The following GPRC5D variants were observed in gnomAD, a reference collection of about 807,000 sequenced individuals.
GPRC5D encodes the protein G protein-coupled receptor class C group 5 member D.
Under a neutral mutation model 29.3 loss-of-function variants are expected in GPRC5D, and 20 were observed. The observed-to-expected ratio is 0.68, with a 90% CI of 0.48 to 0.99. GPRC5D has a LOEUF of 0.99. GPRC5D is among the 50% of genes least tolerant of loss of function. The pLI, the probability that GPRC5D is intolerant of heterozygous loss-of-function variation, is 0.00. For synonymous variants in GPRC5D, 178 were observed against 171.3 expected, an observed-to-expected ratio of 1.04 and a Z score of -0.30; for missense variants, 384 against 423.6, an observed-to-expected ratio of 0.91 and a Z score of 0.82.
chr12:12,948,574 T>A (rs189457669), intron 1 of GPRC5D: 7 of 154,404 alleles, frequency 4.5e-5, no homozygotes, highest in Admixed American at 1.3e-4. Context: ...ATGTGAGAAA[T>A]CAGATGCCTA....
chr12:12,945,913 T>C (rs1863303412), intron 1 of GPRC5D, among the ~76,000 whole-genome samples: 1 of 152,228 alleles, frequency 6.6e-6, no homozygotes, highest in Non-Finnish European at 1.5e-5. Flanking sequence ...AGGGACACAC[T>C]TATAACACAG....
chr12:12,943,034 C>T (rs1863193412), intron 1 of GPRC5D, among the ~76,000 whole-genome samples: 1 of 152,152 alleles, frequency 6.6e-6, no homozygotes, highest in Non-Finnish European at 1.5e-5. Context: ...CCCCTGGCCT[C>T]AAACCTCCCA....
downstream of GPRC5D, chr12:12,940,716 C>T: frequency 1.0e-6 from 1 of 1,000,160 alleles, no homozygotes; most frequent in Non-Finnish European, 1.6e-6. Context: ...CGTGGGCTAT[C>T]AGGGCTATGC....
At chr12:12,946,675 T>C (rs761747887) in intron 1 of GPRC5D, among the ~76,000 whole-genome samples, 1 of 151,990 alleles carries the variant, frequency 6.6e-6, no homozygotes, top group African/African-American at 2.4e-5. Flanking sequence ...GGCTGGTCTC[T>C]AACTCCTGTC....
chr12:12,944,760 TCTTC>T (rs1196947040), intron 1 of GPRC5D, among the ~76,000 whole-genome samples: 1 of 27,336 alleles, frequency 3.7e-5, no homozygotes, highest in African/African-American at 7.1e-5. Flanking sequence ...TTCCTTCCTT[TCTTC>T]CTTCCTTTCT....
chr12:12,942,035 A>G (rs1033479816), intron 2 of GPRC5D, among the ~76,000 whole-genome samples: 1 of 152,164 alleles, frequency 6.6e-6, no homozygotes, highest in Admixed American at 6.5e-5. Flanking sequence ...AGAATGCTAT[A>G]TTGTTGATGG....
upstream of GPRC5D, among the ~76,000 whole-genome samples, chr12:12,950,799 T>C (rs1160953955): frequency 2.2e-5 from 3 of 134,142 alleles, no homozygotes; most frequent in Non-Finnish European, 3.2e-5. Context: ...AGAGTGAGAC[T>C]CTGTCTCAAA....
intron 1 of GPRC5D, chr12:12,947,296 G>A (rs1863372951): frequency 6.6e-6 from 1 of 152,150 alleles, no homozygotes; most frequent in Non-Finnish European, 1.5e-5. Flanking sequence ...GACGTTTCAA[G>A]TTATTGTTAT....
chr12:12,941,613 G>T (rs182577445), intron 2 of GPRC5D, among the ~76,000 whole-genome samples: 2 of 152,144 alleles, frequency 1.3e-5, no homozygotes, highest in African/African-American at 4.8e-5. Context: ...TTTGATCCCC[G>T]TAATGTAAGA....
chr12:12,949,848 G>A, exon 1 of GPRC5D: 1 of 1,614,122 alleles, frequency 6.2e-7, no homozygotes. Flanking sequence ...GGGCCATCAG[G>A]AAGAGGACAT....
In GPRC5D at chr12:12,942,248, C is replaced by T. The variant is rs373712100; in HGVS notation, c.963+13G>A. 30 of 1,555,780 alleles carry T rather than the reference C, an allele frequency of 1.9e-5. No individual in the cohort carries two copies. The highest frequency in any genetic ancestry group is 4.1e-5 in the African/African-American group (3 of 73,772). ...TAAGTCCCTCCTGGGTGAATATAGG[C>T]GAGTACATTTACCTGCGGCTGAATG... On this transcript the variant is annotated intron_variant, in intron 2 of 2. Transcript: ENST00000228887.
exon 1 of GPRC5D, chr12:12,950,150 C>G: frequency 1.2e-6 from 2 of 1,614,060 alleles, no homozygotes; most frequent in Non-Finnish European, 1.7e-6. Flanking sequence ...ATGATGAAGG[C>G]AAAAGCGAGT....
At chr12:12,942,927 A>G (rs1863191303) in intron 1 of GPRC5D, among the ~76,000 whole-genome samples, 1 of 152,142 alleles carries the variant, frequency 6.6e-6, no homozygotes, top group South Asian at 2.1e-4. Context: ...GGCCTTGGGC[A>G]TCTCACTCTT....
At chr12:12,945,057 T>C (rs1290358518) in intron 1 of GPRC5D, among the ~76,000 whole-genome samples, 1 of 150,466 alleles carries the variant, frequency 6.6e-6, no homozygotes, top group African/African-American at 2.4e-5. Flanking sequence ...CAGGCTGGAG[T>C]GCAATGCATG....
upstream of GPRC5D, among the ~76,000 whole-genome samples, chr12:12,951,532 G>A (rs968909748): frequency 2.6e-5 from 4 of 152,208 alleles, no homozygotes; most frequent in African/African-American, 9.6e-5. Context: ...TCATCCTGCT[G>A]GGAAAAGCTG....
At chr12:12,944,777 C>CCT (rs1863234700) in intron 1 of GPRC5D, among the ~76,000 whole-genome samples, 1 of 31,402 alleles carries the variant, frequency 3.2e-5, no homozygotes, top group African/African-American at 5.5e-5. Context: ...TCCTTTCTTC[C>CCT]TTCCTTCCTT....
chr12:12,944,835 TTCC>T lies in GPRC5D; in HGVS notation c.896-2510_896-2508del, dbSNP rs1565477253. Among the ~76,000 whole-genome samples, 135 of 14,922 alleles carry T rather than the reference TTCC, an allele frequency of 9.0e-3. 11 individuals are homozygous for T. Among genetic ancestry groups the T allele is most frequent in the South Asian group, 0.015 (3 of 204 alleles). 9.8% of individuals were successfully genotyped at this position (14,922 alleles called of 152,430 possible). A position where few individuals can be genotyped will look rare whatever the true frequency, so the allele number is the denominator to read the frequency against. On this transcript the variant is annotated intron_variant, in intron 1 of 2. Coordinates refer to ENST00000228887, the Ensembl canonical transcript of GPRC5D. ...CTTCCTTCCTTCCTTCCTTCCTTCC[TTCC>T]TTCCTTCCTTCCTTCTTTCTTTCTT...
At chr12:12,946,349 C>CT (rs1357682602) in intron 1 of GPRC5D, among the ~76,000 whole-genome samples, 1 of 147,610 alleles carries the variant, frequency 6.8e-6, no homozygotes, top group African/African-American at 2.5e-5. Context: ...TTCTTTCTTT[C>CT]TTTCTTTCTT....
intron 1 of GPRC5D, chr12:12,948,340 G>A (rs866915038): frequency 6.5e-6 from 1 of 153,408 alleles, no homozygotes. Context: ...GGGAAAAAGT[G>A]TGTAGTATCA....
Sources: allele counts gnomAD v4.1 joint callset (sites outside exome capture counted in the v4.1 genomes callset), GRCh38; gene constraint gnomAD v4.1.1; transcripts MANE v1.5; gene names NCBI Gene and HGNC (gene_info 2026-07-23, HGNC 2026-07-21).